MICAL3: variants seen among roughly 807,000 people sequenced by gnomAD.
MICAL3 encodes microtubule associated monooxygenase, calponin and LIM domain containing 3.
MICAL3 carries 62 observed loss-of-function variants against 207.4 expected under a neutral mutation model. The ratio of observed to expected loss-of-function variants is 0.30; its 90% CI spans 0.24 to 0.37. MICAL3 has a LOEUF of 0.37. Ranked by LOEUF, MICAL3 falls within the 10% of genes least tolerant of loss-of-function variation. The pLI is 1.00. For synonymous variants in MICAL3, 1,077 were observed against 1,069.3 expected, an observed-to-expected ratio of 1.01 and a Z score of -0.14; for missense variants, 2,368 against 2,635.6, an observed-to-expected ratio of 0.90 and a Z score of 2.22.
intron 1 of MICAL3, among the ~76,000 whole-genome samples, chr22:17,986,145 T>C (rs570147777): frequency 5.3e-5 from 8 of 152,136 alleles, no homozygotes; most frequent in Non-Finnish European, 1.0e-4. Flanking sequence ...GACCTTGTGA[T>C]CCACACACCT....
At chr22:17,877,464 A>ATGGAGGTTAGGGAGG (rs1928883921) in intron 16 of MICAL3, among the ~76,000 whole-genome samples, 3 of 27,134 alleles carry the variant, frequency 1.1e-4, no homozygotes, top group Admixed American at 3.3e-4. Flanking sequence ...GGTTAGGGAG[A>ATGGAGGTTAGGGAGG]TTATGGAGGT....
intron 1 of MICAL3, among the ~76,000 whole-genome samples, chr22:17,960,937 C>T (rs563705428): frequency 7.2e-5 from 11 of 152,228 alleles, no homozygotes; most frequent in Middle Eastern, 3.4e-3. Flanking sequence ...GGCAACGAGA[C>T]GGTGCGGGAC....
rs1925071292 is a variant in MICAL3 at position 17,849,686 on chromosome 22, GTATTT to G, written c.2606-7674_2606-7670del. ...TGTGTGTGTGTGTGTGTGTGTGTGT[GTATTT>G]TTTTTTTTTTTTTTTTTTTTTGAGA... On this transcript the variant is annotated intron_variant, in intron 19 of 31. Transcript: ENST00000441493. 5.3e-5 allele frequency among the ~76,000 whole-genome samples: 3 copies of G among 56,204 alleles called. No homozygotes were observed. In the Admixed American group the frequency reaches 6.6e-4, roughly 12 times the overall value. The allele number at this position is 56,204 out of a possible 152,430, so 36.9% of individuals were successfully genotyped here.
chr22:17,863,420 C>T (rs749639485), intron 19 of MICAL3: 23 of 985,350 alleles, frequency 2.3e-5, no homozygotes, highest in Non-Finnish European at 2.7e-5. Flanking sequence ...TGTCTAGACC[C>T]CTTTGGTTAT....
chr22:17,857,950 C>T (rs762729337), intron 19 of MICAL3, among the ~76,000 whole-genome samples: 4 of 152,348 alleles, frequency 2.6e-5, no homozygotes, highest in Non-Finnish European at 5.9e-5. Flanking sequence ...CAACCTCTTG[C>T]CCACTGTCCT....
chr22:17,907,254 G>A (rs1285101330), intron 1 of MICAL3, among the ~76,000 whole-genome samples: 1 of 152,194 alleles, frequency 6.6e-6, no homozygotes, highest in Non-Finnish European at 1.5e-5. Flanking sequence ...GCCTCTGAGA[G>A]GTGACAGCTG....
At chr22:17,812,192 C>G (rs1006940498) in intron 27 of MICAL3, among the ~76,000 whole-genome samples, 1 of 152,252 alleles carries the variant, frequency 6.6e-6, no homozygotes, top group Non-Finnish European at 1.5e-5. Context: ...CAGCGCTGCA[C>G]CTTGCTGATC....
chr22:17,922,088 C>T (rs1268439984), intron 1 of MICAL3, among the ~76,000 whole-genome samples: 4 of 151,906 alleles, frequency 2.6e-5, no homozygotes, highest in African/African-American at 4.8e-5. Context: ...CTCACTAAAG[C>T]GACCCCGCCC....
At chr22:17,958,204 C>T (rs967506107) in intron 1 of MICAL3, among the ~76,000 whole-genome samples, 1 of 152,120 alleles carries the variant, frequency 6.6e-6, no homozygotes, top group African/African-American at 2.4e-5. Flanking sequence ...AAAAATCCTC[C>T]CTATACAGAA....
chr22:17,817,338 G>A lies in MICAL3; in HGVS notation c.5323C>T (p.His1775Tyr), dbSNP rs1921117223. Residue 1775 changes from histidine to tyrosine, a missense_variant, in exon 26 of 32, where the codon CAC (histidine) becomes TAC (tyrosine). Coordinates refer to ENST00000441493, the MANE Select transcript of MICAL3 (RefSeq NM_015241.3). ...GCCCTTACGACGGGAAGCACCCTGT[G>A]CTTTCCAGAGTCCACCGTGGCCCCG... ...SSGATVDSGK[H>Y]RVLPVVRAEL... 1.9e-6 allele frequency: 3 copies of A among 1,607,032 alleles called. No individual in the cohort carries two copies. The highest frequency in any genetic ancestry group is 1.3e-5 in the African/African-American group (1 of 74,818).
At position 17,976,298 on chromosome 22, in the gene MICAL3, A is replaced by G. The variant is rs868153943; in HGVS notation, c.-75+47983T>C. 7.0e-4 allele frequency among the ~76,000 whole-genome samples: 106 copies of G among 152,208 alleles called. 1 individual carries two copies. The highest frequency in any genetic ancestry group is 2.4e-3 in the African/African-American group (99 of 41,516). On this transcript the variant is annotated intron_variant, in intron 1 of 31. Coordinates refer to ENST00000441493, the MANE Select transcript of MICAL3 (RefSeq NM_015241.3). ...TCCGTGTCTTATACTAGAGTAAATA[A>G]AGCTGAAAATCTCATTAGATAACAC...
At chr22:17,964,725 G>A (rs12159837) in intron 1 of MICAL3, among the ~76,000 whole-genome samples, 30,369 of 152,082 alleles carry the variant, frequency 0.2, 3,173 homozygotes, top group Middle Eastern at 0.27. Context: ...GCTGGTTTCT[G>A]GTACAAGCCA....
chr22:17,790,385 C>T lies in MICAL3; in HGVS notation c.*347G>A, dbSNP rs1379496994. The T allele has an allele frequency of 7.2e-6, 2 of 277,832 alleles. No homozygotes were observed. The highest frequency in any genetic ancestry group is 1.4e-5 in the Non-Finnish European group (2 of 145,170). 17.2% of individuals were successfully genotyped at this position (277,832 alleles called of 1,614,324 possible). A position where few individuals can be genotyped will look rare whatever the true frequency, so the allele number is the denominator to read the frequency against. ...GCACTGTGGTTCTGACGGGGAGCAG[C>T]TTCCCTCTCTTACCAAATGTGCCAG... On this transcript the variant is annotated 3_prime_UTR_variant, in exon 32 of 32. Transcript: ENST00000441493.
At chr22:17,872,765 A>G (rs1242655333) in intron 16 of MICAL3, 1 of 1,612,728 alleles carries the variant, frequency 6.2e-7, no homozygotes, top group South Asian at 1.1e-5. Flanking sequence ...TCTTGTCTAG[A>G]AGGGCTTTGG....
chr22:17,959,979 A>G (rs943700625), intron 1 of MICAL3, among the ~76,000 whole-genome samples: 6 of 152,226 alleles, frequency 3.9e-5, no homozygotes, highest in African/African-American at 9.6e-5. Context: ...AATGCCTAGG[A>G]GTGCACTCTG....
At position 17,842,153 on chromosome 22, in the gene MICAL3, C is replaced by G. The variant is rs986405577; in HGVS notation, c.2606-136G>C. ...AAAGGTCAGAGCATTTGCAGAGTTG[C>G]CAGAGGCCAGAGAAGGACCCTGGCA... On this transcript the variant is annotated intron_variant, in intron 19 of 31. Transcript: ENST00000441493. 8.8e-6 allele frequency: 7 copies of G among 792,654 alleles called. No homozygotes were observed. The Admixed American group carries it at 1.8e-4, about 20-fold the overall frequency. 49.1% of individuals were successfully genotyped at this position (792,654 alleles called of 1,614,324 possible). A position where few individuals can be genotyped will look rare whatever the true frequency, so the allele number is the denominator to read the frequency against.
At chr22:17,956,973 T>C (rs1396574857) in intron 1 of MICAL3, among the ~76,000 whole-genome samples, 4 of 152,216 alleles carry the variant, frequency 2.6e-5, no homozygotes, top group Non-Finnish European at 4.4e-5. Flanking sequence ...GTTAATGAGA[T>C]ATAAGCAGAA....
Position 18,002,025 on chromosome 22 carries a change from C to T in MICAL3, c.-75+22256G>A, listed in dbSNP as rs150787758. On this transcript the variant is annotated intron_variant, in intron 1 of 31. Coordinates refer to ENST00000441493, the MANE Select transcript of MICAL3 (RefSeq NM_015241.3). Reference sequence around the variant, plus strand: ...CCAGCCGGGCCAACATGATGAAACCCTGACTCTACTGAAAATACAAAAATT... The same window carrying T: ...CCAGCCGGGCCAACATGATGAAACCTTGACTCTACTGAAAATACAAAAATT... Among the ~76,000 whole-genome samples, 538 of 152,146 alleles carry T rather than the reference C, an allele frequency of 3.5e-3. 4 individuals are homozygous for T. Among genetic ancestry groups the T allele is most frequent in the African/African-American group, 0.012 (511 of 41,508 alleles).
chr22:17,899,663 G>A (rs1361577714), intron 6 of MICAL3, 115 bp from the exon 7 acceptor site: 2 of 685,096 alleles, frequency 2.9e-6, no homozygotes, highest in Non-Finnish European at 5.3e-6. Context: ...CTCCAGGCAG[G>A]GAAAGGTGTC....
Sources: gnomAD v4.1 joint callset for allele counts (sites outside exome capture counted in the v4.1 genomes callset) on GRCh38, gnomAD v4.1.1 for gene constraint, MANE v1.5 for transcripts, NCBI Gene and HGNC (gene_info 2026-07-23, HGNC 2026-07-21) for gene names.